The following WDR62 variants were observed in gnomAD, a reference collection of about 807,000 sequenced individuals.
The protein encoded by WDR62 is WD repeat domain 62, also known as WD repeat-containing protein 62.
In WDR62, 112 loss-of-function variants were observed where a neutral mutation model predicts 160.6. The observed-to-expected ratio is 0.70, with a 90% CI of 0.60 to 0.82. The LOEUF (loss-of-function observed/expected upper bound fraction) is 0.82. WDR62 is among the 40% of genes least tolerant of loss of function. The pLI is 0.00. For synonymous variants in WDR62, 792 were observed against 815.1 expected, an observed-to-expected ratio of 0.97 and a Z score of 0.48; for missense variants, 1,819 against 1,983.8, an observed-to-expected ratio of 0.92 and a Z score of 1.58.
chr19:36,091,068 A>T, intron 16 of WDR62, 132 bp from the exon 17 acceptor site: 2 of 746,348 alleles, frequency 2.7e-6, no homozygotes, highest in Middle Eastern at 7.1e-4. Context: ...CACGTGTCGA[A>T]TGGGAGCGGG....
At chr19:36,087,558 T>TA (rs2066212918) in intron 13 of WDR62, among the ~76,000 whole-genome samples, 1 of 148,296 alleles carries the variant, frequency 6.7e-6, no homozygotes, top group Non-Finnish European at 1.5e-5. Flanking sequence ...GGCTCATGCT[T>TA]GTCATCCCAG....
chr19:36,085,962 C>T (rs1270762404), intron 12 of WDR62, among the ~76,000 whole-genome samples: 5 of 152,070 alleles, frequency 3.3e-5, no homozygotes, highest in Admixed American at 2.6e-4. Flanking sequence ...GGATTACAAG[C>T]GTGAACCACC....
chr19:36,055,964 A>C (rs2145492853), intron 1 of WDR62, among the ~76,000 whole-genome samples: 1 of 152,284 alleles, frequency 6.6e-6, no homozygotes, highest in South Asian at 2.1e-4. Flanking sequence ...AGATCAGTTC[A>C]AGACCAGCCT....
chr19:36,080,195 C>A lies in WDR62; in HGVS notation c.1234-1238C>A, dbSNP rs533814944. Among the ~76,000 whole-genome samples, 645 of 152,040 alleles carry A rather than the reference C, an allele frequency of 4.2e-3. 5 individuals are homozygous for A. Among genetic ancestry groups the A allele is most frequent in the African/African-American group, 0.015 (625 of 41,522 alleles). ...TGATCTCGGCTCACTGCAAGCTCCG[C>A]CTCCCAGGTTCACGCCATTCTCCTG... On this transcript the variant is annotated intron_variant, in intron 9 of 31. Transcript: ENST00000401500.
At chr19:36,063,374 G>A (rs146916127) in intron 3 of WDR62, among the ~76,000 whole-genome samples, 3,018 of 152,222 alleles carry the variant, frequency 0.02, 95 homozygotes, top group African/African-American at 0.07. Context: ...TCAGCCTCCT[G>A]AGTAGCTGGG....
intron 7 of WDR62, among the ~76,000 whole-genome samples, chr19:36,068,565 G>T (rs1225940888): frequency 6.6e-6 from 1 of 152,142 alleles, no homozygotes; most frequent in Non-Finnish European, 1.5e-5. Flanking sequence ...GACTCTTAAC[G>T]AGTCTGCTGC....
rs1681405619 is a variant in WDR62, at chr19:36,102,271, G to A, written c.3220+120G>A. ...AGGGTGAGTGGAGAGCAACTGCTTC[G>A]TTTTTTTTGAGACGGAGTCTCGCTC... On this transcript the variant is annotated intron_variant, in intron 26 of 31. Coordinates refer to ENST00000401500, the MANE Select transcript of WDR62 (RefSeq NM_001083961.2). 23 of 1,446,836 alleles carry A rather than the reference G, an allele frequency of 1.6e-5. No individual in the cohort carries two copies. The Admixed American group carries it at 1.9e-4, about 12-fold the overall frequency. The allele number at this position is 1,446,836 out of a possible 1,614,324, so 89.6% of individuals were successfully genotyped here.
chr19:36,099,288 C>G, intron 21 of WDR62, 111 bp from the exon 22 acceptor site: 1 of 739,368 alleles, frequency 1.4e-6, no homozygotes. Context: ...GAAGTTGTTT[C>G]TGAATGGTAT....
chr19:36,075,756 T>C (rs1971541408), intron 9 of WDR62, among the ~76,000 whole-genome samples: 1 of 152,232 alleles, frequency 6.6e-6, no homozygotes, highest in Non-Finnish European at 1.5e-5. Context: ...TGTTAGCAGC[T>C]ATTGATGCTC....
Position 36,066,268 on chromosome 19 carries a change from G to C in WDR62, c.402G>C (p.Arg134Ser). ...CCCACCTTCCCTAGAATGGGCATAG[G>C]CCTGCTGTGCGCATCTGGGATGTGG... is the stretch of plus-strand genomic sequence containing the variant. ...KYIVTGENGH[R>S]PAVRIWDVEE... Residue 134 changes from arginine to serine, a missense_variant, in exon 5 of 32, where the codon AGG (arginine) becomes AGC (serine). Physicochemically the swap from Arg to Ser is moderately radical, Grantham distance 110 (BLOSUM62 -1). This residue lies in a region of WDR62 where 934 missense variants were observed against 1,157.2 expected (regional missense o/e 0.81). Coordinates refer to ENST00000401500, the MANE Select transcript of WDR62 (RefSeq NM_001083961.2). 6.2e-7 allele frequency: 1 copy of C among 1,614,208 alleles called. No homozygotes were observed. Among genetic ancestry groups the C allele is most frequent in the Non-Finnish European group, 8.5e-7 (1 of 1,180,040 alleles).
intron 7 of WDR62, chr19:36,070,514 G>A (rs114253794): frequency 6.8e-4 from 104 of 152,310 alleles, no homozygotes; most frequent in African/African-American, 2.3e-3. Flanking sequence ...AGTCAAAGCT[G>A]TTTTCCCATC....
chr19:36,097,770 G>A (rs1291557787), intron 21 of WDR62, among the ~76,000 whole-genome samples: 8 of 151,982 alleles, frequency 5.3e-5, no homozygotes. Context: ...TGTAGTCCCA[G>A]GTACTCAGGA....
At chr19:36,092,137 TG>T (rs1193116984) in intron 18 of WDR62, among the ~76,000 whole-genome samples, 1 of 151,792 alleles carries the variant, frequency 6.6e-6, no homozygotes, top group East Asian at 2.0e-4. Flanking sequence ...ATGGAGAAAC[TG>T]TGTCTCTACT....
Position 36,104,920 on chromosome 19 carries a change from G to A in WDR62, c.4464G>A (p.Pro1488=), listed in dbSNP as rs754718956. Reference sequence around the variant, plus strand: ...AGGCTCTGCCCAGCCCAGGACCCCCGTCCCCACCGACGCTGTACCCCCTGG... The same window carrying A: ...AGGCTCTGCCCAGCCCAGGACCCCCATCCCCACCGACGCTGTACCCCCTGG... ...PAQALPSPGP[P]SPPTLYPLAS... is the part of the protein sequence containing the mutation. Residue 1488 remains proline, a synonymous_variant, in exon 32 of 32, where the codon CCG becomes CCA. Coordinates refer to ENST00000401500, the MANE Select transcript of WDR62 (RefSeq NM_001083961.2). The A allele has an allele frequency of 1.8e-5, 29 of 1,609,706 alleles. No homozygotes were observed. The highest frequency in any genetic ancestry group is 4.5e-5 in the East Asian group (2 of 44,796).
At chr19:36,074,435 A>G (rs1971469950) in intron 9 of WDR62, 1 of 152,026 alleles carries the variant, frequency 6.6e-6, no homozygotes, top group Non-Finnish European at 1.5e-5. Flanking sequence ...CGAAGTGGGC[A>G]GATTGCTTGA....
chr19:36,067,733 T>C, intron 6 of WDR62, 95 bp from the exon 7 acceptor site: 2 of 1,410,806 alleles, frequency 1.4e-6, no homozygotes, highest in Non-Finnish European at 2.0e-6. Context: ...TGGAAGAGCT[T>C]CTTAGAGTTC....
In WDR62 at chr19:36,104,886, C is replaced by CCCCAGCCCAGGCTCTG; in HGVS notation, c.4442_4457dup (p.Pro1487SerfsTer64). The CCCCAGCCCAGGCTCTG allele has an allele frequency of 6.2e-7, 1 of 1,612,158 alleles. No homozygotes were observed. Among genetic ancestry groups the CCCCAGCCCAGGCTCTG allele is most frequent in the Non-Finnish European group, 8.5e-7 (1 of 1,179,874 alleles). The stretch of plus-strand genomic sequence containing the variant: ...GAATGCCTGGTGGGGACTAGTGTGG[C>CCCCAGCCCAGGCTCTG]CCCAGCCCAGGCTCTGCCCAGCCCA... On this transcript the variant is annotated frameshift_variant, in exon 32 of 32. Coordinates refer to ENST00000401500, the MANE Select transcript of WDR62 (RefSeq NM_001083961.2). LOFTEE classifies it low-confidence loss of function (END_TRUNC).
intron 21 of WDR62, among the ~76,000 whole-genome samples, chr19:36,097,585 A>G (rs1032353714): frequency 1.3e-5 from 2 of 152,072 alleles, no homozygotes; most frequent in Non-Finnish European, 2.9e-5. Flanking sequence ...TGTCTCAAAA[A>G]AGAGAAAAAG....
intron 1 of WDR62, among the ~76,000 whole-genome samples, chr19:36,055,834 T>C (rs1599737848): frequency 6.6e-6 from 1 of 152,346 alleles, no homozygotes; most frequent in East Asian, 1.9e-4. Flanking sequence ...TTTCCAGCTG[T>C]GTAGGCACAA....
Sources: gnomAD v4.1 joint callset for allele counts (sites outside exome capture counted in the v4.1 genomes callset) on GRCh38, gnomAD v4.1.1 for gene constraint, gnomAD v4.1.1 regional missense constraint, MANE v1.5 for transcripts, NCBI Gene and HGNC (gene_info 2026-07-23, HGNC 2026-07-21) for gene names.